GCC2: variants seen among roughly 807,000 people sequenced by gnomAD.
GCC2 encodes GRIP and coiled-coil domain containing 2.
GCC2 carries 120 observed loss-of-function variants against 210.6 expected under a neutral mutation model. The observed-to-expected ratio is 0.57, with a 90% confidence interval of 0.49 to 0.66. The LOEUF (loss-of-function observed/expected upper bound fraction) is 0.66, where lower values mean the gene tolerates loss of function less well. Ranked by LOEUF, GCC2 falls within the 30% of genes least tolerant of loss-of-function variation. The probability of loss-of-function intolerance (pLI) is 0.00; values close to 1 mark genes in which losing one functional copy is unlikely to be tolerated. For synonymous variants in GCC2, 703 were observed against 652.7 expected, an observed-to-expected ratio of 1.08 and a Z score of -1.17; for missense variants, 1,868 against 1,871.9, an observed-to-expected ratio of 1.00 and a Z score of 0.04.
chr2:108,453,929 C>T (rs1371530690), intron 4 of GCC2, among the ~76,000 whole-genome samples: 1 of 152,050 alleles, frequency 6.6e-6, no homozygotes, highest in Non-Finnish European at 1.5e-5. Context: ...CATCTCAGAG[C>T]TCTGAAATAC....
chr2:108,482,498 A>G (rs1249002797), intron 11 of GCC2, 47 bp downstream of exon 11: 1 of 901,296 alleles, frequency 1.1e-6, no homozygotes, highest in Admixed American at 2.2e-5. Flanking sequence ...TGATGCATTT[A>G]CCAAAATATT....
At chr2:108,507,028 A>G (rs1030841674) in intron 22 of GCC2, among the ~76,000 whole-genome samples, 10 of 152,184 alleles carry the variant, frequency 6.6e-5, no homozygotes, top group Non-Finnish European at 1.5e-4. Flanking sequence ...ATAGAAAATT[A>G]GCTGTTAAGT....
intron 16 of GCC2, among the ~76,000 whole-genome samples, chr2:108,487,235 T>C (rs1464278748): frequency 6.6e-6 from 1 of 152,234 alleles, no homozygotes; most frequent in Non-Finnish European, 1.5e-5. Flanking sequence ...AGAAAATGTT[T>C]ATTAAGTTCC....
intron 4 of GCC2, among the ~76,000 whole-genome samples, chr2:108,463,672 T>A (rs1271751775): frequency 6.6e-6 from 1 of 152,204 alleles, no homozygotes; most frequent in Non-Finnish European, 1.5e-5. Flanking sequence ...TTCTTGAGCC[T>A]CCAGGTAGCT....
intron 4 of GCC2, among the ~76,000 whole-genome samples, chr2:108,468,705 G>T (rs1681031372): frequency 6.6e-6 from 1 of 152,118 alleles, no homozygotes; most frequent in Non-Finnish European, 1.5e-5. Context: ...ATATTTGCCA[G>T]GTTCTCATGT....
intron 7 of GCC2, chr2:108,473,163 G>T: frequency 2.9e-6 from 1 of 349,024 alleles, no homozygotes; most frequent in Non-Finnish European, 5.2e-6. Flanking sequence ...CATTCATTTA[G>T]CAAATTTTAT....
intron 22 of GCC2, among the ~76,000 whole-genome samples, chr2:108,501,648 C>T (rs933138990): frequency 5.3e-5 from 8 of 152,000 alleles, no homozygotes; most frequent in African/African-American, 1.9e-4. Context: ...CAAAATTGAG[C>T]AGGCATCTGA....
At chr2:108,505,811 A>ACTTTGTAACTT (rs1683153648) in intron 22 of GCC2, among the ~76,000 whole-genome samples, 1 of 152,206 alleles carries the variant, frequency 6.6e-6, no homozygotes, top group Non-Finnish European at 1.5e-5. Context: ...ATATGTGTTA[A>ACTTTGTAACTT]GGTACTAACT....
chr2:108,509,081 GA>G lies in GCC2; in HGVS notation c.*1455del, dbSNP rs1162831721. 9 of 152,586 alleles carry G rather than the reference GA, an allele frequency of 5.9e-5. No individual in the cohort carries two copies. 9.5% of individuals were successfully genotyped at this position (152,586 alleles called of 1,614,324 possible). On this transcript the variant is annotated 3_prime_UTR_variant, in exon 23 of 23. Coordinates refer to ENST00000309863, the MANE Select transcript of GCC2 (RefSeq NM_181453.4). ...AGACCTAACTAGTGAATGTATTAAT[GA>G]AAATGCATCTATTTCAGAGCTGACA...
intron 4 of GCC2, among the ~76,000 whole-genome samples, chr2:108,465,227 C>A (rs1197616931): frequency 1.3e-5 from 2 of 152,198 alleles, no homozygotes; most frequent in Non-Finnish European, 2.9e-5. Flanking sequence ...CTTGGATGAT[C>A]TGTATGTATG....
In GCC2 at chr2:108,452,526, C is replaced by T. The variant is rs1679998691; in HGVS notation, c.216+60C>T. The T allele has an allele frequency of 6.2e-6, 6 of 961,898 alleles. No homozygotes were observed. In the South Asian group the frequency reaches 8.0e-5, roughly 13 times the overall value. 59.6% of individuals were successfully genotyped at this position (961,898 alleles called of 1,614,324 possible). A position where few individuals can be genotyped will look rare whatever the true frequency, so the allele number is the denominator to read the frequency against. ...TAAAATTTCCCTGAGGATTGTCAGTCTGCTAGAGGCTATCTGGCTTTCTGT... is the reference window on the plus strand; with the variant it reads ...TAAAATTTCCCTGAGGATTGTCAGTTTGCTAGAGGCTATCTGGCTTTCTGT... On this transcript the variant is annotated intron_variant, in intron 4 of 22. Transcript: ENST00000309863.
intron 22 of GCC2, 39 bp from the exon 23 acceptor site, chr2:108,507,521 C>G: frequency 7.1e-7 from 1 of 1,409,384 alleles, no homozygotes; most frequent in Admixed American, 2.1e-5. Context: ...TCTCTTTTTT[C>G]TTTTATTTTT....
At chr2:108,480,101 C>T (rs1681772063) in intron 9 of GCC2, among the ~76,000 whole-genome samples, 1 of 151,948 alleles carries the variant, frequency 6.6e-6, no homozygotes, top group South Asian at 2.1e-4. Flanking sequence ...TCACAGTCCT[C>T]TTGGTTAATG....
chr2:108,507,581 G>C lies in GCC2; in HGVS notation c.5006G>C (p.Arg1669Pro), dbSNP rs148220751. 25 of 1,595,032 alleles carry C rather than the reference G, an allele frequency of 1.6e-5. No homozygotes were observed. The South Asian group carries it at 2.6e-4, about 16-fold the overall frequency. Reference protein sequence around the residue: ...VAQGEEENASRSSGWASYLHS... With the variant: ...VAQGEEENASPSSGWASYLHS... ...AAAGGTGAGGAAGAAAATGCTTCCC[G>C]TTCTTCTGGATGGGCATCCTATCTT... Residue 1669 changes from arginine to proline, a missense_variant, in exon 23 of 23, where the codon CGT becomes CCT. By Grantham distance (103) the Arg-to-Pro change is moderately radical. This residue lies in a region of GCC2 where 20 missense variants were observed against 28.2 expected (regional missense o/e 0.71). Coordinates refer to ENST00000309863, the MANE Select transcript of GCC2 (RefSeq NM_181453.4).
Position 108,470,863 on chromosome 2 carries a change from C to T in GCC2, c.1534C>T (p.Gln512Ter). 1 of 1,613,678 alleles carries T rather than the reference C, an allele frequency of 6.2e-7. No individual in the cohort carries two copies. Among genetic ancestry groups the T allele is most frequent in the South Asian group, 1.1e-5 (1 of 91,046 alleles). The stretch of plus-strand genomic sequence containing the variant: ...AGAGTTCGAATCAATGAAGCAACAG[C>T]AAGCATCTGATGTTCATGAACTGCA... Reference protein sequence around the residue: ...SQEFESMKQQQASDVHELQQK... With the variant: ...SQEFESMKQQ Residue 512 changes from glutamine (Q) to a stop codon, truncating the protein, a stop_gained, in exon 6 of 23, where the codon CAA becomes TAA. Coordinates refer to ENST00000309863, the MANE Select transcript of GCC2 (RefSeq NM_181453.4). LOFTEE classifies it high-confidence loss of function.
At chr2:108,458,527 A>C (rs1680389010) in intron 4 of GCC2, among the ~76,000 whole-genome samples, 2 of 151,878 alleles carry the variant, frequency 1.3e-5, no homozygotes. Flanking sequence ...CATTTGGTAG[A>C]ATTCAGTGTG....
intron 4 of GCC2, 141 bp from the exon 5 acceptor site, chr2:108,468,839 T>A: frequency 1.8e-6 from 1 of 563,002 alleles, no homozygotes; most frequent in South Asian, 2.7e-5. Context: ...CTTTTCTCCT[T>A]TTCTCTTTGC....
At chr2:108,480,709 A>G (rs973942586) in intron 9 of GCC2, among the ~76,000 whole-genome samples, 9 of 152,328 alleles carry the variant, frequency 5.9e-5, no homozygotes, top group Admixed American at 3.3e-4. Context: ...ATGAGAACAC[A>G]TGGACACATA....
intron 4 of GCC2, among the ~76,000 whole-genome samples, chr2:108,464,441 G>T (rs1249590908): frequency 1.3e-5 from 2 of 152,204 alleles, no homozygotes; most frequent in Admixed American, 1.3e-4. Context: ...GGCTTGTGGG[G>T]ACAGCGTGAG....
Sources: allele counts gnomAD v4.1 joint callset (sites outside exome capture counted in the v4.1 genomes callset), GRCh38; gene constraint gnomAD v4.1.1; regional missense constraint gnomAD v4.1.1; transcripts MANE v1.5; gene names NCBI Gene and HGNC (gene_info 2026-07-23, HGNC 2026-07-21).